SLC25A33: variants seen among roughly 807,000 people sequenced by gnomAD.
SLC25A33 encodes the protein bone marrow stromal cell mitochondrial carrier protein.
Under a neutral mutation model 35.5 loss-of-function variants are expected in SLC25A33, and 15 were observed. The observed-to-expected ratio is 0.42, with a 90% CI of 0.28 to 0.65. The LOEUF (loss-of-function observed/expected upper bound fraction) is 0.65, where lower values mean the gene tolerates loss of function less well. SLC25A33 is among the 30% of genes least tolerant of loss of function. The probability of loss-of-function intolerance (pLI) is 0.20; values close to 1 mark genes in which losing one functional copy is unlikely to be tolerated. For missense variants in SLC25A33, 257 were observed against 398.5 expected, an observed-to-expected ratio of 0.64 and a Z score of 3.02; for synonymous variants, 136 against 148.7, an observed-to-expected ratio of 0.91 and a Z score of 0.62.
At chr1:9,553,230 G>GTTTTTTTTTTTTTTTT (rs1340250968) in intron 1 of SLC25A33, among the ~76,000 whole-genome samples, 1 of 91,214 alleles carries the variant, frequency 1.1e-5, no homozygotes. Context: ...TTTTTTTTGG[G>GTTTTTTTTTTTTTTTT]TTTTTTTTTT....
chr1:9,545,128 A>C (rs1569840282), intron 1 of SLC25A33, among the ~76,000 whole-genome samples: 1 of 152,336 alleles, frequency 6.6e-6, no homozygotes, highest in Non-Finnish European at 1.5e-5. Context: ...CATGTAATAA[A>C]TACAAAACTT....
At position 9,578,288 on chromosome 1, in the gene SLC25A33, G is replaced by A. The variant is rs952888762; in HGVS notation, c.483-1666G>A. The stretch of plus-strand genomic sequence containing the variant: ...AGAAAGGTCACTGCCGCTAAGGAGC[G>A]GGAACAGTCTATGCGGAGATAATAA... On this transcript the variant is annotated intron_variant, in intron 5 of 6. Coordinates refer to ENST00000302692, the MANE Select transcript of SLC25A33 (RefSeq NM_032315.3). The surrounding 1 kb of genome is among the most constrained non-coding windows in gnomAD (Gnocchi z 4.3). Among the ~76,000 whole-genome samples the A allele has an allele frequency of 8.5e-5, 13 of 152,104 alleles. No individual in the cohort carries two copies. Among genetic ancestry groups the A allele is most frequent in the Non-Finnish European group, 1.6e-4 (11 of 68,026 alleles).
At chr1:9,551,080 A>G (rs533648978) in intron 1 of SLC25A33, among the ~76,000 whole-genome samples, 1 of 152,220 alleles carries the variant, frequency 6.6e-6, no homozygotes, top group African/African-American at 2.4e-5. Context: ...CTAGGCCCAC[A>G]ACTTGATTAA....
At chr1:9,542,124 T>C (rs957498544) in intron 1 of SLC25A33, among the ~76,000 whole-genome samples, 24 of 152,206 alleles carry the variant, frequency 1.6e-4, no homozygotes, top group African/African-American at 5.8e-4. Flanking sequence ...AATTTTTCTT[T>C]GTATTCCAAA....
At position 9,584,585 on chromosome 1, in the gene SLC25A33, G is replaced by C. The variant is rs1171477367; in HGVS notation, c.*2084G>C. On this transcript the variant is annotated 3_prime_UTR_variant, in exon 7 of 7. Coordinates refer to ENST00000302692, the MANE Select transcript of SLC25A33 (RefSeq NM_032315.3). ...TGGCTAATTTTGTATTTTTAGTAGA[G>C]ATGGGGTTTCACCATGTTGGCCAGG... The C allele has an allele frequency of 6.6e-6, 1 of 152,282 alleles. No homozygotes were observed. Among genetic ancestry groups the C allele is most frequent in the Non-Finnish European group, 1.5e-5 (1 of 68,112 alleles). The allele number at this position is 152,282 out of a possible 1,614,324, so 9.4% of individuals were successfully genotyped here.
At chr1:9,564,739 A>AAAAAAAAAAATATAT (rs60174872) in intron 2 of SLC25A33, among the ~76,000 whole-genome samples, 1 of 96,580 alleles carries the variant, frequency 1.0e-5, no homozygotes, top group African/African-American at 4.4e-5. Context: ...AAAAAAAAAA[A>AAAAAAAAAAATATAT]ATATATATAT....
chr1:9,548,957 T>C (rs1643218880), intron 1 of SLC25A33, among the ~76,000 whole-genome samples: 2 of 152,152 alleles, frequency 1.3e-5, no homozygotes. Context: ...TTGGGGTGTG[T>C]GGGCAGAGAG....
intron 2 of SLC25A33, among the ~76,000 whole-genome samples, chr1:9,561,683 T>TC (rs1422823121): frequency 1.3e-5 from 2 of 152,132 alleles, no homozygotes; most frequent in African/African-American, 4.8e-5. Flanking sequence ...GGACACGAGT[T>TC]CCCTACTGCA....
At chr1:9,540,946 T>C (rs1202683179) in intron 1 of SLC25A33, among the ~76,000 whole-genome samples, 1 of 152,144 alleles carries the variant, frequency 6.6e-6, no homozygotes, top group Non-Finnish European at 1.5e-5. Context: ...TGTCATTCAT[T>C]CCCTTGCAAC....
chr1:9,573,110 G>GA (rs775219239), intron 4 of SLC25A33, among the ~76,000 whole-genome samples: 1 of 152,104 alleles, frequency 6.6e-6, no homozygotes, highest in Non-Finnish European at 1.5e-5. Context: ...GAAAAGACTA[G>GA]AAGGGATTCT....
intron 2 of SLC25A33, among the ~76,000 whole-genome samples, chr1:9,555,111 T>A (rs1458873938): frequency 1.2e-5 from 1 of 82,590 alleles, no homozygotes; most frequent in Non-Finnish European, 2.4e-5. Context: ...CATTTAGCAC[T>A]TTTTTTTTTT....
chr1:9,570,449 T>C, intron 4 of SLC25A33, 91 bp downstream of exon 4: 1 of 1,080,452 alleles, frequency 9.3e-7, no homozygotes, highest in South Asian at 1.4e-5. Flanking sequence ...AGAAATTAGC[T>C]CCTTGCTTCC....
At chr1:9,562,450 A>AGGTTGTAT (rs1331491407) in intron 2 of SLC25A33, among the ~76,000 whole-genome samples, 1 of 152,136 alleles carries the variant, frequency 6.6e-6, no homozygotes, top group Non-Finnish European at 1.5e-5. Flanking sequence ...CAGGAGGCAG[A>AGGTTGTAT]GGTTGTATGG....
intron 1 of SLC25A33, among the ~76,000 whole-genome samples, 199 bp downstream of exon 1, chr1:9,539,946 T>C (rs1383480577): frequency 6.6e-6 from 1 of 151,948 alleles, no homozygotes; most frequent in Non-Finnish European, 1.5e-5. Context: ...CACCCCTACG[T>C]CCTGACCGCA....
At position 9,539,674 on chromosome 1, in the gene SLC25A33, C is replaced by A. The variant is rs1461199495; in HGVS notation, c.-18C>A. ...CTCTCGCCACCGGGCGGCGACGGGC[C>A]GCGGAGCCGGCGCGGCCATGGCGAC... is the stretch of plus-strand genomic sequence containing the variant. On this transcript the variant is annotated 5_prime_UTR_variant, in exon 1 of 7. Transcript: ENST00000302692. The A allele has an allele frequency of 1.5e-6, 2 of 1,357,678 alleles. No individual in the cohort carries two copies. The highest frequency in any genetic ancestry group is 1.9e-6 in the Non-Finnish European group (2 of 1,058,656). 84.1% of individuals were successfully genotyped at this position (1,357,678 alleles called of 1,614,324 possible).
chr1:9,556,014 G>A (rs571162917), intron 2 of SLC25A33, among the ~76,000 whole-genome samples: 1 of 152,252 alleles, frequency 6.6e-6, no homozygotes, highest in South Asian at 2.1e-4. Flanking sequence ...TAAATGCTAA[G>A]AAAAGGAGTG....
rs1643275437 is a variant in SLC25A33, at chr1:9,552,192, C to T, written c.57-1434C>T. Among the ~76,000 whole-genome samples the T allele has an allele frequency of 2.0e-5, 3 of 152,122 alleles. No individual in the cohort carries two copies. The South Asian group carries it at 6.2e-4, about 32-fold the overall frequency. ...TGATTAGTTGTGAATGAGGGAAACA[C>T]AAGGACTTCATTGTTGAAGGTGATT... On this transcript the variant is annotated intron_variant, in intron 1 of 6. Coordinates refer to ENST00000302692, the MANE Select transcript of SLC25A33 (RefSeq NM_032315.3).
chr1:9,577,624 C>T (rs898468697), intron 5 of SLC25A33, among the ~76,000 whole-genome samples: 4 of 152,094 alleles, frequency 2.6e-5, no homozygotes, highest in East Asian at 1.9e-4. Context: ...CAGGGGAGCC[C>T]GATCCTTCCC....
chr1:9,581,165 G>A (rs760337816), intron 6 of SLC25A33, among the ~76,000 whole-genome samples: 18 of 152,246 alleles, frequency 1.2e-4, no homozygotes, highest in South Asian at 4.1e-4. Context: ...GGTCAGTGAT[G>A]CCTCCCAGGG....
Sources: gnomAD v4.1 joint callset for allele counts (sites outside exome capture counted in the v4.1 genomes callset) on GRCh38, gnomAD v4.1.1 for gene constraint, Gnocchi (gnomAD v3.1) non-coding constraint, MANE v1.5 for transcripts, NCBI Gene and HGNC (gene_info 2026-07-23, HGNC 2026-07-21) for gene names.